Variants in DCC observed in about 807,000 individuals in gnomAD.
DCC encodes DCC netrin 1 receptor, also known as netrin receptor DCC.
A neutral mutation model predicts 172.5 loss-of-function variants in DCC; 58 were observed. That is an observed-to-expected ratio of 0.34 (90% CI 0.27 to 0.42). The LOEUF (loss-of-function observed/expected upper bound fraction) is 0.42. Ranked by LOEUF, DCC falls within the 10% of genes least tolerant of loss-of-function variation. The pLI is 1.00. For synonymous variants in DCC, 709 were observed against 644.5 expected (o/e 1.10, Z -1.52); for missense variants, 1,740 against 1,791.0 (o/e 0.97, Z 0.51).
At position 53,452,898 on chromosome 18, in the gene DCC, T is replaced by G. The variant is rs1157335932; in HGVS notation, c.3392+2236T>G. Among the ~76,000 whole-genome samples the G allele has an allele frequency of 3.4e-5, 5 of 147,620 alleles. No individual in the cohort carries two copies. The South Asian group carries it at 1.1e-3, about 32-fold the overall frequency. On this transcript the variant is annotated intron_variant, in intron 23 of 28. Transcript: ENST00000442544. ...GAACTATAGTTTAGTGGGGTTTGTT[T>G]GTTTGTTTGTTTGTTTGTTTGTTTG...
intron 15 of DCC, among the ~76,000 whole-genome samples, chr18:53,360,491 A>G (rs1432815471): frequency 1.3e-5 from 2 of 152,160 alleles, no homozygotes; most frequent in East Asian, 1.9e-4. Context: ...TGTTCATTCA[A>G]TAGGAATGAC....
intron 3 of DCC, among the ~76,000 whole-genome samples, chr18:52,910,212 G>A (rs1469383324): frequency 2.0e-5 from 3 of 152,094 alleles, no homozygotes; most frequent in Admixed American, 6.6e-5. Flanking sequence ...GCTTATGGGT[G>A]AAGGGATGGA....
chr18:52,794,013 T>C (rs1417645766), intron 2 of DCC, among the ~76,000 whole-genome samples: 1 of 152,174 alleles, frequency 6.6e-6, no homozygotes, highest in East Asian at 1.9e-4. Context: ...GTGCCATTGG[T>C]CTATGTGTTT....
intron 3 of DCC, among the ~76,000 whole-genome samples, chr18:52,911,753 G>A (rs2039974149): frequency 1.3e-5 from 2 of 151,502 alleles, no homozygotes; most frequent in African/African-American, 4.8e-5. Flanking sequence ...CTGCATTGTA[G>A]GAGTTTCTCA....
At chr18:52,827,902 C>T (rs1255456388) in intron 2 of DCC, among the ~76,000 whole-genome samples, 2 of 152,084 alleles carry the variant, frequency 1.3e-5, no homozygotes, top group Non-Finnish European at 2.9e-5. Flanking sequence ...TCTCAAAGGA[C>T]CCTCCAACTC....
chr18:53,169,990 GA>G (rs2054987993), intron 8 of DCC, among the ~76,000 whole-genome samples: 1 of 152,154 alleles, frequency 6.6e-6, no homozygotes, highest in African/African-American at 2.4e-5. Flanking sequence ...TAGTTGTTGG[GA>G]AATGGTTTGC....
intron 26 of DCC, among the ~76,000 whole-genome samples, chr18:53,495,775 T>C (rs566177025): frequency 4.1e-4 from 62 of 152,226 alleles, no homozygotes; most frequent in Admixed American, 7.2e-4. Context: ...GATTTGGTCT[T>C]TTCATATAGT....
chr18:52,921,694 C>A (rs1241549462), intron 3 of DCC, among the ~76,000 whole-genome samples: 2 of 107,996 alleles, frequency 1.9e-5, no homozygotes, highest in South Asian at 6.7e-4. Flanking sequence ...GAGGCTCCAT[C>A]TCAAAAATAA....
At chr18:52,615,195 G>A (rs972405192) in intron 1 of DCC, among the ~76,000 whole-genome samples, 1 of 152,164 alleles carries the variant, frequency 6.6e-6, no homozygotes, top group African/African-American at 2.4e-5. Flanking sequence ...TCAGAATGGA[G>A]TGTAACCCAG....
intron 5 of DCC, among the ~76,000 whole-genome samples, chr18:52,963,094 A>G (rs1030094664): frequency 6.8e-6 from 1 of 147,828 alleles, no homozygotes; most frequent in African/African-American, 2.7e-5. Flanking sequence ...TAAAACTTAA[A>G]TTATAATTAT....
chr18:52,938,855 C>T (rs77078075), intron 5 of DCC, among the ~76,000 whole-genome samples: 9,015 of 151,852 alleles, frequency 0.059, 358 homozygotes, highest in South Asian at 0.15. Context: ...TTCTGACTTC[C>T]CCCACCTTAT....
intron 7 of DCC, among the ~76,000 whole-genome samples, chr18:53,092,020 T>A (rs990781473): frequency 1.0e-4 from 15 of 145,534 alleles, no homozygotes; most frequent in Admixed American, 4.7e-4. Context: ...CCCTGTGAAC[T>A]ATCTTTATAT....
chr18:53,279,621 C>A (rs2056844747), intron 12 of DCC, among the ~76,000 whole-genome samples: 1 of 144,822 alleles, frequency 6.9e-6, no homozygotes, highest in Non-Finnish European at 1.5e-5. Flanking sequence ...ACATTGTGCA[C>A]CTGTACCCTA....
chr18:53,513,284 G>A (rs921203335), intron 27 of DCC, among the ~76,000 whole-genome samples: 1 of 152,112 alleles, frequency 6.6e-6, no homozygotes, highest in African/African-American at 2.4e-5. Flanking sequence ...TCACCACCAG[G>A]CCTGCCCTAA....
intron 1 of DCC, among the ~76,000 whole-genome samples, chr18:52,353,422 C>G (rs899798033): frequency 3.3e-5 from 5 of 152,150 alleles, no homozygotes; most frequent in African/African-American, 1.2e-4. Context: ...GCCCTGGGCC[C>G]TCCTCCTCCC....
chr18:53,467,124 A>T (rs552005246), intron 24 of DCC, among the ~76,000 whole-genome samples: 2 of 152,146 alleles, frequency 1.3e-5, no homozygotes, highest in South Asian at 4.1e-4. Context: ...ACAATGTTAA[A>T]AATTTTGTGT....
rs377009500 is a variant in DCC, at chr18:52,535,542, G to C, written c.91+194664G>C. 3.8e-4 allele frequency among the ~76,000 whole-genome samples: 58 copies of C among 152,256 alleles called. No individual in the cohort carries two copies. The East Asian group carries it at 5.6e-3, about 15-fold the overall frequency. On this transcript the variant is annotated intron_variant, in intron 1 of 28. Transcript: ENST00000442544. Reference sequence around the variant, plus strand: ...CTTGTGGGCAGACATTTTATAACTAGACGTGTAAATCATGTCCAGTAAAAT... The same window carrying C: ...CTTGTGGGCAGACATTTTATAACTACACGTGTAAATCATGTCCAGTAAAAT...
At chr18:53,438,199 C>T (rs1010704287) in intron 22 of DCC, among the ~76,000 whole-genome samples, 5 of 151,784 alleles carry the variant, frequency 3.3e-5, no homozygotes, top group Admixed American at 6.6e-5. Context: ...TATACTGGTA[C>T]GGGACAGTAC....
chr18:52,782,828 A>G (rs771625254), intron 2 of DCC, among the ~76,000 whole-genome samples: 10 of 152,078 alleles, frequency 6.6e-5, no homozygotes, highest in Non-Finnish European at 1.2e-4. Context: ...GTTAAGGGGA[A>G]TGTATTCCCC....
Sources: gnomAD v4.1 joint callset for allele counts (sites outside exome capture counted in the v4.1 genomes callset) on GRCh38, gnomAD v4.1.1 for gene constraint, MANE v1.5 for transcripts, NCBI Gene and HGNC (gene_info 2026-07-23, HGNC 2026-07-21) for gene names.